HUWE1: variants seen among roughly 807,000 people sequenced by gnomAD.
HUWE1 encodes the protein HECT, UBA and WWE domain containing E3 ubiquitin protein ligase 1.
A neutral mutation model predicts 299.4 loss-of-function variants in HUWE1; 18 were observed. The ratio of observed to expected loss-of-function variants is 0.06; its 90% CI spans 0.04 to 0.09. The LOEUF is 0.09. Among genes scored for constraint, HUWE1 ranks in the 10% least tolerant of loss-of-function variants. The pLI, the probability that HUWE1 is intolerant of heterozygous loss-of-function variation, is 1.00. For synonymous variants in HUWE1, 1,317 were observed against 1,286.1 expected, an observed-to-expected ratio of 1.02 and a Z score of -0.51; for missense variants, 1,832 against 3,462.3, an observed-to-expected ratio of 0.53 and a Z score of 11.82.
chrX:53,575,122 A>G, intron 46 of HUWE1, 33 bp downstream of exon 46: 1 of 1,114,026 alleles, frequency 9.0e-7, no homozygotes, highest in Non-Finnish European at 1.2e-6. Context: ...CCTAAGGAAT[A>G]AGAACATGGT....
chrX:53,578,687 A>G lies in HUWE1; in HGVS notation c.5717-1620T>C, dbSNP rs1287473655. ...CATCCGGGAGGGAGGTGGGGGGATC[A>G]GCCCCCCGCCTGGCCAGCCGCCCCG... On this transcript the variant is annotated intron_variant, in intron 43 of 83. Coordinates refer to ENST00000262854, the MANE Select transcript of HUWE1 (RefSeq NM_031407.7). Among the ~76,000 whole-genome samples the G allele has an allele frequency of 4.0e-5, 3 of 75,071 alleles. No homozygotes were observed. In the Admixed American group the frequency reaches 4.1e-4, roughly 10 times the overall value. 65.2% of individuals were successfully genotyped at this position (75,071 alleles called of 115,157 possible). A position where few individuals can be genotyped will look rare whatever the true frequency, so the allele number is the denominator to read the frequency against.
At position 53,549,071 on chromosome X, in the gene HUWE1, C is replaced by T; in HGVS notation, c.9923G>A (p.Gly3308Glu). The change falls in exon 67 of 84, where the codon GGG (glycine) becomes GAG (glutamate). Residue 3308 changes from glycine (G) to glutamate (E), a missense_variant. Physicochemically the swap from Gly to Glu is moderately conservative, Grantham distance 98. Around this residue, in one of 15 missense-constraint regions of HUWE1, gnomAD observed 80 missense variants for 142.1 expected, o/e 0.56. Transcript: ENST00000262854. ...TNIFQIQRSG[G>E]RKHTEKHASG... ...TGCATGCTTCTCGGTATGTTTACGC[C>T]CCCCTGAACGCTGGATCTGAAATAT... 1 of 1,211,213 alleles carries T rather than the reference C, an allele frequency of 8.3e-7. No individual in the cohort carries two copies.
intron 43 of HUWE1, among the ~76,000 whole-genome samples, chrX:53,579,454 T>G (rs1407401151): frequency 9.1e-6 from 1 of 110,449 alleles, no homozygotes; most frequent in Non-Finnish European, 1.9e-5. Context: ...GTGTGCCCAG[T>G]GGCTCATTGG....
rs781884032 is a variant in HUWE1, at chrX:53,568,848, C to T, written c.6551G>A (p.Ser2184Asn). Residue 2184 changes from serine to asparagine, a missense_variant, in exon 49 of 84, where the codon AGT becomes AAT. Around this residue, in one of 15 missense-constraint regions of HUWE1, gnomAD observed 157 missense variants for 252.3 expected, o/e 0.62. Coordinates refer to ENST00000262854, the MANE Select transcript of HUWE1 (RefSeq NM_031407.7). ...ARLQAVMCII[S>N]TIMESCPSTS... ...GGAGGGGCAGGACTCCATGATAGTACTGATGATACACATCACTGCCTGAAG... is the reference window on the plus strand; with the variant it reads ...GGAGGGGCAGGACTCCATGATAGTATTGATGATACACATCACTGCCTGAAG... 5 of 1,205,169 alleles carry T rather than the reference C, an allele frequency of 4.1e-6. No individual in the cohort carries two copies. Among genetic ancestry groups the T allele is most frequent in the South Asian group, 1.8e-5 (1 of 55,735 alleles).
intron 15 of HUWE1, 132 bp downstream of exon 15, chrX:53,628,361 A>T: frequency 1.5e-6 from 1 of 683,299 alleles, no homozygotes; most frequent in Non-Finnish European, 2.2e-6. Flanking sequence ...CCTTCTACTT[A>T]AGTATAACTT....
chrX:53,538,830 T>C lies in HUWE1; in HGVS notation c.11878+5A>G. The C allele has an allele frequency of 8.3e-7, 1 of 1,203,804 alleles. No homozygotes were observed. Among genetic ancestry groups the C allele is most frequent in the Non-Finnish European group, 1.1e-6 (1 of 891,236 alleles). ...TACACCTGGCAGCCTAAAAGTTCCC[T>C]GTACCTGCAAAGCGAAGGAACTTCT... On this transcript the variant is annotated splice_donor_5th_base_variant and intron_variant, in intron 76 of 83. Coordinates refer to ENST00000262854, the MANE Select transcript of HUWE1 (RefSeq NM_031407.7).
chrX:53,577,476 A>C (rs1473617909), intron 43 of HUWE1, among the ~76,000 whole-genome samples: 6 of 85,604 alleles, frequency 7.0e-5, no homozygotes, highest in Admixed American at 1.3e-4. Context: ...AAAAAAAAAA[A>C]CTCCCTCTCC....
At chrX:53,657,814 C>T (rs2068815872) in intron 3 of HUWE1, among the ~76,000 whole-genome samples, 1 of 110,434 alleles carries the variant, frequency 9.1e-6, no homozygotes, top group Non-Finnish European at 1.9e-5. Flanking sequence ...CTTTGGGAGG[C>T]TGAGGCGGGC....
chrX:53,535,605 G>A, intron 80 of HUWE1, 104 bp from the exon 81 acceptor site: 2 of 567,021 alleles, frequency 3.5e-6, no homozygotes, highest in East Asian at 3.4e-5. Flanking sequence ...TAGGCAGAGA[G>A]ATGAGGCAAG....
Position 53,546,551 on chromosome X carries a change from A to G in HUWE1, c.10800T>C (p.Asp3600=). The G allele has an allele frequency of 3.3e-6, 4 of 1,209,982 alleles. No homozygotes were observed. The highest frequency in any genetic ancestry group is 4.5e-6 in the Non-Finnish European group (4 of 894,348). ...AGAGCTGCAGTAGTACGTTGGCTGCATCCTCTAAGCCTTCCTCAGAACAAG... is the reference window on the plus strand; with the variant it reads ...AGAGCTGCAGTAGTACGTTGGCTGCGTCCTCTAAGCCTTCCTCAGAACAAG... ...SHSCSEEGLE[D]AANVLLQLSR... The change falls in exon 70 of 84, where the codon GAT becomes GAC. Residue 3600 remains aspartate, a synonymous_variant. Coordinates refer to ENST00000262854, the MANE Select transcript of HUWE1 (RefSeq NM_031407.7).
Position 53,631,468 on chromosome X carries a change from A to G in HUWE1, c.708T>C (p.Pro236=). 1 of 1,199,217 alleles carries G rather than the reference A, an allele frequency of 8.3e-7. No individual in the cohort carries two copies. The highest frequency in any genetic ancestry group is 1.8e-5 in the South Asian group (1 of 56,573). ...IEQLDKISES[P]SEIMESLTKM... is the part of the protein sequence containing the mutation. Reference sequence around the variant, plus strand: ...TGGTAAGAGATTCCATGATTTCAGAAGGGCTTTCTGAAATCTACATTAAAA... The same window carrying G: ...TGGTAAGAGATTCCATGATTTCAGAGGGGCTTTCTGAAATCTACATTAAAA... The change falls in exon 11 of 84, where the codon CCT becomes CCC. Residue 236 remains proline, a synonymous_variant. Transcript: ENST00000262854.
chrX:53,550,780 GAA>G lies in HUWE1; in HGVS notation c.9386-14_9386-13del, dbSNP rs782211727. The G allele has an allele frequency of 1.7e-6, 2 of 1,207,424 alleles. No homozygotes were observed. Among genetic ancestry groups the G allele is most frequent in the Non-Finnish European group, 2.2e-6 (2 of 891,507 alleles). ...GCGACTGGTGAAAGCTGGAAGGAAA[GAA>G]AAAGAAAACTGAGATTGTGGAGAGG... On this transcript the variant is annotated splice_polypyrimidine_tract_variant and intron_variant, in intron 65 of 83. Transcript: ENST00000262854.
intron 57 of HUWE1, 97 bp from the exon 58 acceptor site, chrX:53,559,157 A>C: frequency 1.3e-6 from 1 of 792,889 alleles, no homozygotes. Context: ...AAAGGACCCA[A>C]GGTCTATCAC....
At chrX:53,536,834 A>G (rs1556913516) in intron 78 of HUWE1, among the ~76,000 whole-genome samples, 167 bp from the exon 79 acceptor site, 2 of 111,646 alleles carry the variant, frequency 1.8e-5, no homozygotes, top group African/African-American at 6.5e-5. Flanking sequence ...GAGATCTGGG[A>G]GCAAACAAAA....
chrX:53,573,260 A>T (rs1278772679), intron 47 of HUWE1, among the ~76,000 whole-genome samples: 5 of 111,447 alleles, frequency 4.5e-5, no homozygotes, highest in Non-Finnish European at 3.8e-5. Flanking sequence ...TTTTTGAGAC[A>T]GAGTTTTGCT....
intron 12 of HUWE1, 90 bp downstream of exon 12, chrX:53,630,845 G>T: frequency 1.8e-6 from 1 of 560,990 alleles, no homozygotes. Flanking sequence ...ACTATAATAG[G>T]ACTCATAGCA....
At position 53,627,198 on chromosome X, in the gene HUWE1, T is replaced by C. The variant is rs2066569923; in HGVS notation, c.1489+212A>G. 2.7e-5 allele frequency among the ~76,000 whole-genome samples: 3 copies of C among 111,711 alleles called. No individual in the cohort carries two copies. In the South Asian group the frequency reaches 1.1e-3, roughly 42 times the overall value. On this transcript the variant is annotated intron_variant, in intron 17 of 83. Transcript: ENST00000262854. ...GCTATAGCATCTGCTTTACCTGCCA[T>C]CTCTACTCCAAAGAACTAGTACCTT...
At chrX:53,537,969 GAGA>G (rs782128737) in intron 77 of HUWE1, among the ~76,000 whole-genome samples, 17 of 111,701 alleles carry the variant, frequency 1.5e-4, no homozygotes, top group Non-Finnish European at 3.0e-4. Flanking sequence ...CATGCACGAG[GAGA>G]AGGAGAGGCA....
At chrX:53,684,534 T>C (rs2093688127) in intron 2 of HUWE1, among the ~76,000 whole-genome samples, 1 of 112,004 alleles carries the variant, frequency 8.9e-6, no homozygotes, top group South Asian at 3.7e-4. Context: ...TAGAGCCTAG[T>C]GCTTGAGGAA....
Sources: gnomAD v4.1 joint callset for allele counts (sites outside exome capture counted in the v4.1 genomes callset) on GRCh38, gnomAD v4.1.1 for gene constraint, gnomAD v4.1.1 regional missense constraint, MANE v1.5 for transcripts, NCBI Gene and HGNC (gene_info 2026-07-23, HGNC 2026-07-21) for gene names.